The following CAPZA1 variants were observed in gnomAD, a reference collection of about 807,000 sequenced individuals.
The protein encoded by CAPZA1 is capping actin protein of muscle Z-line subunit alpha 1, also known as F-actin-capping protein subunit alpha-1.
Under a neutral mutation model 40.8 loss-of-function variants are expected in CAPZA1, and 10 were observed. The ratio of observed to expected loss-of-function variants is 0.25; its 90% CI spans 0.15 to 0.42. The LOEUF (loss-of-function observed/expected upper bound fraction) is 0.42, where lower values mean the gene tolerates loss of function less well. Among genes scored for constraint, CAPZA1 ranks in the 10% least tolerant of loss-of-function variants. The probability of loss-of-function intolerance (pLI) is 1.00; values close to 1 mark genes in which losing one functional copy is unlikely to be tolerated. For missense variants in CAPZA1, 277 were observed against 353.8 expected, an observed-to-expected ratio of 0.78 and a Z score of 1.74; for synonymous variants, 98 against 115.0, an observed-to-expected ratio of 0.85 and a Z score of 0.95.
intron 7 of CAPZA1, among the ~76,000 whole-genome samples, chr1:112,661,522 T>C (rs1671606731): frequency 6.6e-6 from 1 of 152,220 alleles, no homozygotes; most frequent in Non-Finnish European, 1.5e-5. Flanking sequence ...ATCTTTGTCT[T>C]GGGGTCTCCT....
At chr1:112,622,045 G>A (rs940691035) in intron 1 of CAPZA1, among the ~76,000 whole-genome samples, 23 of 152,044 alleles carry the variant, frequency 1.5e-4, no homozygotes, top group Admixed American at 1.4e-3. Flanking sequence ...ACAGGCGTGA[G>A]CCACCGAGCC....
intron 1 of CAPZA1, among the ~76,000 whole-genome samples, chr1:112,641,180 C>T (rs2101155066): frequency 6.6e-6 from 1 of 150,820 alleles, no homozygotes; most frequent in East Asian, 2.0e-4. Flanking sequence ...ATGACCCTGC[C>T]AAATCCCCCT....
At chr1:112,669,850 G>A in intron 9 of CAPZA1, 142 bp from the exon 10 acceptor site, 1 of 917,164 alleles carries the variant, frequency 1.1e-6, no homozygotes, top group Non-Finnish European at 1.7e-6. Flanking sequence ...TTCAGAGATT[G>A]GAGAGGAGCT....
intron 1 of CAPZA1, among the ~76,000 whole-genome samples, chr1:112,638,668 C>T (rs1671068119): frequency 6.6e-6 from 1 of 152,062 alleles, no homozygotes; most frequent in African/African-American, 2.4e-5. Context: ...GGCACAGTGG[C>T]TCGCATCTGT....
At chr1:112,652,212 T>C (rs1570717931) in intron 3 of CAPZA1, among the ~76,000 whole-genome samples, 1 of 151,848 alleles carries the variant, frequency 6.6e-6, no homozygotes, top group Non-Finnish European at 1.5e-5. Context: ...CTGGGCACGG[T>C]GGTTCATGCC....
At chr1:112,631,659 C>T (rs1235477675) in intron 1 of CAPZA1, among the ~76,000 whole-genome samples, 3 of 152,210 alleles carry the variant, frequency 2.0e-5, no homozygotes, top group Non-Finnish European at 4.4e-5. Flanking sequence ...TTTACCCTTT[C>T]AAACTTGACA....
intron 2 of CAPZA1, among the ~76,000 whole-genome samples, chr1:112,647,722 C>T (rs1319072528): frequency 2.0e-5 from 3 of 152,206 alleles, no homozygotes; most frequent in South Asian, 2.1e-4. Flanking sequence ...ACTTTATCTT[C>T]CCCTCAAGAT....
At position 112,670,964 on chromosome 1, in the gene CAPZA1, A is replaced by G. The variant is rs919252723; in HGVS notation, c.*832A>G. 6.5e-6 allele frequency: 1 copy of G among 152,682 alleles called. No individual in the cohort carries two copies. Among genetic ancestry groups the G allele is most frequent in the Admixed American group, 6.5e-5 (1 of 15,286 alleles). The allele number at this position is 152,682 out of a possible 1,614,324, so 9.5% of individuals were successfully genotyped here. On this transcript the variant is annotated 3_prime_UTR_variant, in exon 10 of 10. Coordinates refer to ENST00000263168, the MANE Select transcript of CAPZA1 (RefSeq NM_006135.3). ...TGAAAAATGCAGATGTTGAAGGAAT[A>G]ATAGGTATCTTGTGCTTTAATACTT...
At position 112,671,475 on chromosome 1, in the gene CAPZA1, G is replaced by A. The variant is rs1238; in HGVS notation, c.*1343G>A. 119,649 of 152,624 alleles carry A rather than the reference G, an allele frequency of 0.78. 47,128 individuals are homozygous for A. Among genetic ancestry groups the A allele is most frequent in the South Asian group, 0.88 (4,224 of 4,822 alleles). 9.5% of individuals were successfully genotyped at this position (152,624 alleles called of 1,614,324 possible). On this transcript the variant is annotated 3_prime_UTR_variant, in exon 10 of 10. Coordinates refer to ENST00000263168, the MANE Select transcript of CAPZA1 (RefSeq NM_006135.3). Reference sequence around the variant, plus strand: ...AATATAGTCAAGCAAGTTTGTTCCAGGTGACCCATTGAGCTGTGTATGCAT... The same window carrying A: ...AATATAGTCAAGCAAGTTTGTTCCAAGTGACCCATTGAGCTGTGTATGCAT...
rs1671460390 is a variant in CAPZA1, at chr1:112,654,550, G to A, written c.305G>A (p.Arg102Gln). ...NKISFKFDHL[R>Q]KEASDPQPEE... The stretch of plus-strand genomic sequence containing the variant: ...ATTTCCTTTAAATTTGACCACTTAC[G>A]GAAAGAAGCAAGTGACCCCCAGCCA... Residue 102 changes from arginine (R) to glutamine (Q), a missense_variant, in exon 5 of 10, where the codon CGG (arginine) becomes CAG (glutamine). Coordinates refer to ENST00000263168, the MANE Select transcript of CAPZA1 (RefSeq NM_006135.3). 6.2e-7 allele frequency: 1 copy of A among 1,613,868 alleles called. No individual in the cohort carries two copies. The highest frequency in any genetic ancestry group is 8.5e-7 in the Non-Finnish European group (1 of 1,179,826).
At chr1:112,668,150 C>G (rs1671763279) in intron 8 of CAPZA1, among the ~76,000 whole-genome samples, 1 of 152,058 alleles carries the variant, frequency 6.6e-6, no homozygotes, top group South Asian at 2.1e-4. Flanking sequence ...AGCTGAGTTC[C>G]TGTAGTCCCA....
chr1:112,630,085 A>G (rs886725440), intron 1 of CAPZA1, among the ~76,000 whole-genome samples: 2 of 152,052 alleles, frequency 1.3e-5, no homozygotes, highest in Admixed American at 1.3e-4. Context: ...CTCTGTCACC[A>G]AGACTGGAGT....
intron 5 of CAPZA1, among the ~76,000 whole-genome samples, chr1:112,657,396 A>G (rs938758458): frequency 1.3e-5 from 2 of 151,724 alleles, no homozygotes; most frequent in East Asian, 1.9e-4. Context: ...CATTTCCTCT[A>G]TCTACTTCTG....
intron 5 of CAPZA1, 25 bp from the exon 6 acceptor site, chr1:112,658,997 A>T: frequency 6.5e-7 from 1 of 1,537,966 alleles, no homozygotes; most frequent in Non-Finnish European, 9.0e-7. Context: ...TGGAGTCTTT[A>T]ACTATTTTTT....
intron 1 of CAPZA1, among the ~76,000 whole-genome samples, chr1:112,646,056 TGACAAAAAA>T (rs1259227253): frequency 1.3e-5 from 2 of 151,744 alleles, no homozygotes; most frequent in Non-Finnish European, 2.9e-5. Flanking sequence ...AATCATAAAA[TGACAAAAAA>T]GATAAAATAT....
intron 1 of CAPZA1, among the ~76,000 whole-genome samples, chr1:112,640,221 C>T (rs1278107033): frequency 9.1e-6 from 1 of 110,210 alleles, no homozygotes; most frequent in Admixed American, 8.6e-5. Context: ...CCAGCCGCCC[C>T]GTCCGGGAGG....
intron 1 of CAPZA1, among the ~76,000 whole-genome samples, chr1:112,632,232 C>T (rs1283244958): frequency 2.0e-5 from 3 of 152,076 alleles, no homozygotes; most frequent in African/African-American, 7.2e-5. Flanking sequence ...TGCTTGAACC[C>T]GGGAGGTGGA....
chr1:112,635,337 A>G (rs1670994065), intron 1 of CAPZA1, among the ~76,000 whole-genome samples: 1 of 152,150 alleles, frequency 6.6e-6, no homozygotes. Context: ...AAAGATTTTT[A>G]TTGACCAGGG....
intron 7 of CAPZA1, among the ~76,000 whole-genome samples, chr1:112,665,688 G>C (rs1041085858): frequency 2.0e-5 from 3 of 152,180 alleles, no homozygotes; most frequent in Non-Finnish European, 2.9e-5. Context: ...TCATGAGGTA[G>C]AAGAGTGGCA....
Sources: gnomAD v4.1 joint callset for allele counts (sites outside exome capture counted in the v4.1 genomes callset) on GRCh38, gnomAD v4.1.1 for gene constraint, MANE v1.5 for transcripts, NCBI Gene and HGNC (gene_info 2026-07-23, HGNC 2026-07-21) for gene names.